The following SHISA9 variants were observed in gnomAD, a reference collection of about 807,000 sequenced individuals.
The protein encoded by SHISA9 is protein shisa-9.
In SHISA9, 13 loss-of-function variants were observed where a neutral mutation model predicts 38.0. The observed-to-expected ratio is 0.34, with a 90% CI of 0.22 to 0.54. The LOEUF is 0.54. Among genes scored for constraint, SHISA9 ranks in the 20% least tolerant of loss-of-function variants. The pLI, the probability that SHISA9 is intolerant of heterozygous loss-of-function variation, is 0.91. For synonymous variants in SHISA9, 275 were observed against 242.0 expected (o/e 1.14, Z -1.27); for missense variants, 538 against 575.8 (o/e 0.93, Z 0.67).
At chr16:13,310,286 G>T in the SHISA9 span, among the ~76,000 whole-genome samples, 1 of 151,844 alleles carries the variant, frequency 6.6e-6, no homozygotes, top group East Asian at 1.9e-4. Context: ...ACTGGAGGTG[G>T]GCTTTTAAAA....
rs528957582 is a variant in SHISA9 at position 13,113,201 on chromosome 16, C to G, written c.692-90193C>G. ...CTCCAGCCTGGACAACAGAATGAGACTCCATCTCAAAAAAAAAAAAAAAAA... is the reference window on the plus strand; with the variant it reads ...CTCCAGCCTGGACAACAGAATGAGAGTCCATCTCAAAAAAAAAAAAAAAAA... On this transcript the variant is annotated intron_variant, in intron 2 of 4. Coordinates refer to ENST00000558583, the MANE Select transcript of SHISA9 (RefSeq NM_001145204.3). Among the ~76,000 whole-genome samples, 103 of 128,680 alleles carry G rather than the reference C, an allele frequency of 8.0e-4. 1 individual carries two copies. The highest frequency in any genetic ancestry group is 8.1e-3 in the Middle Eastern group (2 of 248). 84.4% of individuals were successfully genotyped at this position (128,680 alleles called of 152,430 possible).
the SHISA9 span, among the ~76,000 whole-genome samples, chr16:13,288,881 A>C: frequency 2.0e-5 from 3 of 152,190 alleles, no homozygotes; most frequent in African/African-American, 7.2e-5. Flanking sequence ...TTTAATCTTT[A>C]ATCCTAATTA....
chr16:12,923,789 C>T (rs1029437861), intron 2 of SHISA9, among the ~76,000 whole-genome samples: 4 of 150,920 alleles, frequency 2.7e-5, no homozygotes, highest in South Asian at 2.1e-4. Context: ...TGCAGTGAGC[C>T]GAGATCACGT....
chr16:13,117,890 G>C lies in SHISA9; in HGVS notation c.692-85504G>C, dbSNP rs561862091. Among the ~76,000 whole-genome samples, 22 of 152,188 alleles carry C rather than the reference G, an allele frequency of 1.4e-4. No individual in the cohort carries two copies. In the East Asian group the frequency reaches 4.1e-3, roughly 28 times the overall value. On this transcript the variant is annotated intron_variant, in intron 2 of 4. Coordinates refer to ENST00000558583, the MANE Select transcript of SHISA9 (RefSeq NM_001145204.3). ...GTGCTTACTGAAATGCCCTTAAAAA[G>C]CTCACAGTCAGCCTGGTGTGATGGC...
intron 2 of SHISA9, among the ~76,000 whole-genome samples, chr16:12,923,940 T>C (rs2071362230): frequency 6.6e-6 from 1 of 152,140 alleles, no homozygotes; most frequent in Admixed American, 6.5e-5. Context: ...AGCTTGCACA[T>C]GCTTTGTCTC....
chr16:13,151,877 C>T (rs763404000), intron 2 of SHISA9, among the ~76,000 whole-genome samples: 1 of 152,140 alleles, frequency 6.6e-6, no homozygotes, highest in African/African-American at 2.4e-5. Flanking sequence ...ATGAATAAGA[C>T]CCTTGTGTCC....
At chr16:13,446,152 G>A in the SHISA9 span, among the ~76,000 whole-genome samples, 16 of 152,042 alleles carry the variant, frequency 1.1e-4, no homozygotes, top group African/African-American at 3.9e-4. Flanking sequence ...TCCCCATGCT[G>A]GCCAGGATGG....
chr16:13,175,218 GA>G (rs1049397722), intron 2 of SHISA9, among the ~76,000 whole-genome samples: 3 of 149,948 alleles, frequency 2.0e-5, no homozygotes, highest in South Asian at 2.1e-4. Flanking sequence ...AAAAAAGAAA[GA>G]AAAAAAAAGA....
At chr16:13,271,116 C>G in the SHISA9 span, among the ~76,000 whole-genome samples, 8 of 152,202 alleles carry the variant, frequency 5.3e-5, no homozygotes, top group Non-Finnish European at 8.8e-5. Context: ...TATCCCAAGT[C>G]TGACACCCAA....
intron 2 of SHISA9, among the ~76,000 whole-genome samples, chr16:12,970,467 GTGTATA>G (rs1567168033): frequency 1.7e-4 from 4 of 23,626 alleles, no homozygotes; most frequent in East Asian, 1.1e-3. Flanking sequence ...ATATATGTGT[GTGTATA>G]TATATATATA....
intron 2 of SHISA9, among the ~76,000 whole-genome samples, chr16:13,010,637 G>A (rs1306074357): frequency 6.6e-6 from 1 of 152,202 alleles, no homozygotes; most frequent in Non-Finnish European, 1.5e-5. Context: ...TCTACACTGA[G>A]TATCTGGCTT....
intron 2 of SHISA9, among the ~76,000 whole-genome samples, chr16:13,044,905 T>A (rs2073169696): frequency 6.6e-6 from 1 of 152,212 alleles, no homozygotes; most frequent in Non-Finnish European, 1.5e-5. Flanking sequence ...ATAATTTATG[T>A]GGATGCTTAT....
At chr16:13,271,389 A>G in the SHISA9 span, among the ~76,000 whole-genome samples, 1 of 152,102 alleles carries the variant, frequency 6.6e-6, no homozygotes, top group Non-Finnish European at 1.5e-5. Context: ...AGGCTTGAGA[A>G]CCACAGATGT....
chr16:12,906,661 C>G (rs555248365), intron 1 of SHISA9, among the ~76,000 whole-genome samples: 1 of 151,994 alleles, frequency 6.6e-6, no homozygotes, highest in African/African-American at 2.4e-5. Flanking sequence ...AAGTTTTCCT[C>G]AATTTTGTGT....
chr16:13,197,429 T>C (rs532460667), intron 2 of SHISA9, among the ~76,000 whole-genome samples: 1 of 152,216 alleles, frequency 6.6e-6, no homozygotes, highest in African/African-American at 2.4e-5. Flanking sequence ...TTACCTTAAG[T>C]GGCTCTGAGT....
At chr16:13,211,755 A>C (rs1397602029) in intron 3 of SHISA9, among the ~76,000 whole-genome samples, 2 of 152,252 alleles carry the variant, frequency 1.3e-5, no homozygotes, top group African/African-American at 2.4e-5. Context: ...ATGGGAACAG[A>C]GGTGACAAAA....
chr16:13,087,060 G>A (rs545494138), intron 2 of SHISA9, among the ~76,000 whole-genome samples: 12 of 149,860 alleles, frequency 8.0e-5, no homozygotes, highest in South Asian at 2.1e-4. Context: ...GAGAACATGC[G>A]GTGTTTGGTT....
chr16:13,221,530 C>G (rs1035323770), intron 4 of SHISA9, among the ~76,000 whole-genome samples: 2 of 149,572 alleles, frequency 1.3e-5, no homozygotes, highest in African/African-American at 4.9e-5. Flanking sequence ...ACCGAGAAAA[C>G]GGTCCTATAT....
the SHISA9 span, among the ~76,000 whole-genome samples, chr16:13,544,451 C>T: frequency 3.6e-5 from 4 of 112,590 alleles, no homozygotes; most frequent in East Asian, 7.2e-4. Flanking sequence ...TTTTTTTCCC[C>T]GCTGGATGTT....
Sources: allele counts gnomAD v4.1 joint callset (sites outside exome capture counted in the v4.1 genomes callset), GRCh38; gene constraint gnomAD v4.1.1; transcripts MANE v1.5; gene names NCBI Gene and HGNC (gene_info 2026-07-23, HGNC 2026-07-21).